Variants in ERAP1 observed in about 807,000 individuals in gnomAD.
ERAP1 encodes endoplasmic reticulum aminopeptidase 1.
Under a neutral mutation model 103.7 loss-of-function variants are expected in ERAP1, and 86 were observed. The ratio of observed to expected loss-of-function variants is 0.83; its 90% CI spans 0.70 to 0.99. The LOEUF (loss-of-function observed/expected upper bound fraction) is 0.99. ERAP1 is among the 50% of genes least tolerant of loss of function. ERAP1 has a pLI of 0.00. For missense variants in ERAP1, 1,009 were observed against 1,128.4 expected (o/e 0.89, Z 1.52); for synonymous variants, 398 against 402.4 (o/e 0.99, Z 0.13).
Position 96,796,534 on chromosome 5 carries a change from G to T in ERAP1, c.798+641C>A, listed in dbSNP as rs979925882. 2.0e-5 allele frequency among the ~76,000 whole-genome samples: 3 copies of T among 152,168 alleles called. No homozygotes were observed. The South Asian group carries it at 6.2e-4, about 32-fold the overall frequency. On this transcript the variant is annotated intron_variant, in intron 4 of 18. Coordinates refer to ENST00000443439, the MANE Select transcript of ERAP1 (RefSeq NM_001040458.3). ...AGAAGCAACCTTAGAGACCATTGCA[G>T]GATCTAGTCCAAGTTATACCTTCCA...
chr5:96,891,271 C>T, the ERAP1 span, among the ~76,000 whole-genome samples: 1 of 151,344 alleles, frequency 6.6e-6, no homozygotes, highest in Admixed American at 6.6e-5. Context: ...AAATATTAGC[C>T]AGAAATTTTT....
chr5:96,874,172 AAGAAAGAAAG>A, the ERAP1 span, among the ~76,000 whole-genome samples: 13 of 83,406 alleles, frequency 1.6e-4, no homozygotes, highest in South Asian at 4.0e-4. Context: ...GAAAGAAAGA[AAGAAAGAAAG>A]AGAGAGAGAA....
the ERAP1 span, among the ~76,000 whole-genome samples, chr5:96,827,277 C>A: frequency 1.3e-5 from 2 of 152,158 alleles, no homozygotes; most frequent in Non-Finnish European, 2.9e-5. Context: ...GATAGGTGTT[C>A]TTTGTTTCCC....
At chr5:96,907,143 A>C in the ERAP1 span, among the ~76,000 whole-genome samples, 3 of 152,216 alleles carry the variant, frequency 2.0e-5, no homozygotes, top group African/African-American at 4.8e-5. Flanking sequence ...GTAGGTGTGG[A>C]CTTTTACTGT....
chr5:96,763,534 T>C (rs1350097755), intron 19 of ERAP1, among the ~76,000 whole-genome samples: 2 of 152,182 alleles, frequency 1.3e-5, no homozygotes, highest in Non-Finnish European at 1.5e-5. Flanking sequence ...TCAAAAACTT[T>C]TTTGCCTTTA....
At chr5:96,819,128 G>T in the ERAP1 span, among the ~76,000 whole-genome samples, 1 of 151,846 alleles carries the variant, frequency 6.6e-6, no homozygotes, top group African/African-American at 2.4e-5. Flanking sequence ...GTTTCAACAC[G>T]TTGGCCAGGA....
At chr5:96,849,810 G>A in the ERAP1 span, among the ~76,000 whole-genome samples, 119 of 152,190 alleles carry the variant, frequency 7.8e-4, 1 homozygote, top group East Asian at 0.019. Context: ...AAACAATCTT[G>A]AGCAGAAAGA....
At chr5:96,928,384 A>C in the ERAP1 span, among the ~76,000 whole-genome samples, 1 of 152,234 alleles carries the variant, frequency 6.6e-6, no homozygotes, top group Non-Finnish European at 1.5e-5. Flanking sequence ...AGTTAAGATA[A>C]GGTCATACTG....
chr5:96,765,354 T>C (rs1769532769), intron 19 of ERAP1: 1 of 743,298 alleles, frequency 1.3e-6, no homozygotes, highest in South Asian at 1.7e-5. Flanking sequence ...AAAAAAAAAA[T>C]TCACTAATAG....
chr5:96,874,604 A>T, the ERAP1 span, among the ~76,000 whole-genome samples: 1 of 152,194 alleles, frequency 6.6e-6, no homozygotes, highest in Non-Finnish European at 1.5e-5. Context: ...CACTACATGA[A>T]ATGCAGCTCT....
At chr5:96,928,731 G>A in the ERAP1 span, among the ~76,000 whole-genome samples, 2 of 152,170 alleles carry the variant, frequency 1.3e-5, no homozygotes, top group Non-Finnish European at 2.9e-5. Flanking sequence ...TGACAGCAGA[G>A]CTCCCCATCC....
the ERAP1 span, chr5:96,903,405 T>C: frequency 6.2e-7 from 1 of 1,613,314 alleles, no homozygotes; most frequent in Non-Finnish European, 8.5e-7. Flanking sequence ...AAAAGACCAG[T>C]TGGGTGAAAT....
chr5:96,783,854 CAT>C lies in ERAP1; in HGVS notation c.2100+68_2100+69del, dbSNP rs1356622844. On this transcript the variant is annotated intron_variant, in intron 14 of 18. Transcript: ENST00000443439. ...ACACACACACACACACACACACACA[CAT>C]ACACACACAATGATTAACACTTTTT... 188 of 376,400 alleles carry C rather than the reference CAT, an allele frequency of 5.0e-4. 5 individuals carry two copies. Among genetic ancestry groups the C allele is most frequent in the East Asian group, 4.8e-3 (46 of 9,546 alleles). 23.3% of individuals were successfully genotyped at this position (376,400 alleles called of 1,614,324 possible). A position where few individuals can be genotyped will look rare whatever the true frequency, so the allele number is the denominator to read the frequency against.
At chr5:96,767,397 C>T in intron 19 of ERAP1, 1 of 1,546,564 alleles carries the variant, frequency 6.5e-7, no homozygotes, top group South Asian at 1.1e-5. Flanking sequence ...TAAACCTTTA[C>T]AGATATCTAT....
the ERAP1 span, among the ~76,000 whole-genome samples, chr5:96,816,427 C>T: frequency 1.3e-5 from 2 of 152,164 alleles, no homozygotes; most frequent in African/African-American, 2.4e-5. Context: ...ACAGCACCTA[C>T]CCCGCCTCTG....
At chr5:96,768,972 C>CA (rs945448784) in intron 19 of ERAP1, 42 of 152,342 alleles carry the variant, frequency 2.8e-4, no homozygotes, top group African/African-American at 9.4e-4. Context: ...TCCTCATTAG[C>CA]AAAATGCCTG....
chr5:96,773,321 CA>C (rs1773129882), downstream of ERAP1: 1 of 153,432 alleles, frequency 6.5e-6, no homozygotes, highest in Non-Finnish European at 1.5e-5. Context: ...AGACTTGAAT[CA>C]AGTCAGCAAC....
the ERAP1 span, among the ~76,000 whole-genome samples, chr5:96,875,388 T>A: frequency 6.6e-6 from 1 of 151,078 alleles, no homozygotes; most frequent in Non-Finnish European, 1.5e-5. Context: ...AATAATAAAT[T>A]AGCTGGGTGT....
chr5:96,807,839 C>G (rs1424679285), intron 1 of ERAP1, 21 bp downstream of exon 1: 1 of 985,748 alleles, frequency 1.0e-6, no homozygotes, highest in Non-Finnish European at 1.2e-6. Context: ...GTCCCCTACC[C>G]GCGGCTCGAG....
Sources: allele counts gnomAD v4.1 joint callset (sites outside exome capture counted in the v4.1 genomes callset), GRCh38; gene constraint gnomAD v4.1.1; transcripts MANE v1.5; gene names NCBI Gene and HGNC (gene_info 2026-07-23, HGNC 2026-07-21).